The following ACTA2 variants were observed in gnomAD, a reference collection of about 807,000 sequenced individuals.
ACTA2 encodes the protein actin alpha 2, smooth muscle, also known as actin, aortic smooth muscle.
In ACTA2, 12 loss-of-function variants were observed where a neutral mutation model predicts 39.5. That is an observed-to-expected ratio of 0.30 (90% CI 0.19 to 0.49). ACTA2 has a LOEUF of 0.49. Among genes scored for constraint, ACTA2 ranks in the 20% least tolerant of loss-of-function variants. The pLI, the probability that ACTA2 is intolerant of heterozygous loss-of-function variation, is 0.99. For synonymous variants in ACTA2, 158 were observed against 180.6 expected, an observed-to-expected ratio of 0.88 and a Z score of 1.00; for missense variants, 236 against 498.8, an observed-to-expected ratio of 0.47 and a Z score of 5.02.
chr10:88,972,515 CTCTT>C (rs963441385), intron 1 of ACTA2, among the ~76,000 whole-genome samples: 4 of 151,796 alleles, frequency 2.6e-5, no homozygotes, highest in South Asian at 2.1e-4. Context: ...TTTTGTTGTT[CTCTT>C]TCTTCTCTCC....
At chr10:88,974,189 A>T (rs534633971) in intron 1 of ACTA2, 3 of 152,202 alleles carry the variant, frequency 2.0e-5, no homozygotes, top group African/African-American at 7.2e-5. Flanking sequence ...AGACATTGAG[A>T]GGACCCAGAA....
intron 1 of ACTA2, among the ~76,000 whole-genome samples, chr10:88,969,099 T>C (rs953864929): frequency 2.0e-5 from 3 of 152,026 alleles, no homozygotes; most frequent in African/African-American, 7.3e-5. Flanking sequence ...TTTTTCTCTC[T>C]TATTAAATAA....
chr10:88,984,945 G>A (rs1017089763), intron 1 of ACTA2, among the ~76,000 whole-genome samples: 1 of 152,186 alleles, frequency 6.6e-6, no homozygotes, highest in African/African-American at 2.4e-5. Flanking sequence ...CAGTGCTTAT[G>A]CTCTCTAGCC....
At chr10:88,939,435 G>T in intron 7 of ACTA2, 72 bp downstream of exon 7, 1 of 1,590,700 alleles carries the variant, frequency 6.3e-7, no homozygotes, top group Non-Finnish European at 8.6e-7. Flanking sequence ...TTGTCTCCAT[G>T]TTCTGGAGGC....
chr10:88,956,472 C>T (rs376122091), upstream of ACTA2, among the ~76,000 whole-genome samples: 569 of 152,220 alleles, frequency 3.7e-3, 5 homozygotes, highest in African/African-American at 0.013. Context: ...AATGGATAAT[C>T]GAGGATAGTT....
At chr10:88,937,941 C>T in intron 8 of ACTA2, 120 bp downstream of exon 8, 1 of 1,139,898 alleles carries the variant, frequency 8.8e-7, no homozygotes, top group Non-Finnish European at 1.3e-6. Flanking sequence ...GTGTCCATTA[C>T]CTACCCCTAA....
chr10:88,960,445 CAT>C (rs1846207631), intron 1 of ACTA2, among the ~76,000 whole-genome samples: 2 of 152,152 alleles, frequency 1.3e-5, no homozygotes, highest in South Asian at 2.1e-4. Context: ...AGTGAATAAA[CAT>C]AGAATTGTTG....
At chr10:88,970,333 G>A (rs542296472) in intron 1 of ACTA2, among the ~76,000 whole-genome samples, 4 of 152,162 alleles carry the variant, frequency 2.6e-5, no homozygotes, top group Non-Finnish European at 5.9e-5. Flanking sequence ...TTATTGACCT[G>A]ATTGTCTGTC....
intron 4 of ACTA2, among the ~76,000 whole-genome samples, chr10:88,942,650 C>T (rs569361760): frequency 1.4e-3 from 218 of 152,284 alleles, no homozygotes; most frequent in Non-Finnish European, 2.1e-3. Context: ...CAGGAGATGT[C>T]CGTGGGTCTT....
In ACTA2 at chr10:88,939,571, T is replaced by C. The variant is rs1845810510; in HGVS notation, c.744A>G (p.Gln248=). The C allele has an allele frequency of 1.9e-6, 3 of 1,613,960 alleles. No homozygotes were observed. The Admixed American group carries it at 5.0e-5, about 27-fold the overall frequency. Residue 248 remains glutamine (Q), a synonymous_variant, in exon 7 of 9, where the codon CAA becomes CAG. Transcript: ENST00000224784. The part of the protein sequence containing the change: ...LEKSYELPDG[Q]VITIGNERFR... ...AACGTTCATTTCCGATGGTGATCAC[T>C]TGCCCATCAGGCAACTCGTAACTCT...
Position 88,988,537 on chromosome 10 carries a change from T to C in ACTA2, c.-24+2402A>G, listed in dbSNP as rs192211441. Among the ~76,000 whole-genome samples, 284 of 151,978 alleles carry C rather than the reference T, an allele frequency of 1.9e-3. 1 individual carries two copies. The highest frequency in any genetic ancestry group is 3.8e-3 in the Admixed American group (58 of 15,270). On this transcript the variant is annotated intron_variant, in intron 1 of 4. Coordinates refer to the ACTA2 transcript ENST00000415557. ...ACCAGGATATCTTTTGAGTAGAAGC[T>C]TTAACTTATATGGTATGGTTTGAAT...
chr10:88,965,906 C>G (rs567933036), intron 1 of ACTA2, among the ~76,000 whole-genome samples: 3 of 152,262 alleles, frequency 2.0e-5, no homozygotes, highest in Non-Finnish European at 2.9e-5. Flanking sequence ...ATGAGGTACA[C>G]CAATGTTTTT....
In ACTA2 at chr10:88,941,789, T is replaced by C; in HGVS notation, c.450A>G (p.Thr150=). The change falls in exon 5 of 9, where the codon ACA becomes ACG. Residue 150 remains threonine, a synonymous_variant. Coordinates refer to ENST00000224784, the MANE Select transcript of ACTA2 (RefSeq NM_001613.4). ...CTGTCCCGCCCAGCCACCTACCAGT[T>C]GTGCGTCCAGAGGCATAGAGAGACA... is the stretch of plus-strand genomic sequence containing the variant. ...AVLSLYASGR[T]TGIVLDSGDG... is the part of the protein sequence containing the mutation. The C allele has an allele frequency of 6.2e-7, 1 of 1,611,748 alleles. No homozygotes were observed. The highest frequency in any genetic ancestry group is 8.5e-7 in the Non-Finnish European group (1 of 1,178,972).
chr10:88,964,199 T>G (rs1846283047), intron 1 of ACTA2, among the ~76,000 whole-genome samples: 1 of 152,166 alleles, frequency 6.6e-6, no homozygotes, highest in Non-Finnish European at 1.5e-5. Flanking sequence ...CTCTCTATTC[T>G]TCCGAATTCT....
intron 1 of ACTA2, among the ~76,000 whole-genome samples, chr10:88,977,517 T>C (rs2133338365): frequency 6.6e-6 from 1 of 152,112 alleles, no homozygotes; most frequent in South Asian, 2.1e-4. Context: ...AGGGCTAATA[T>C]CCAGAATCTA....
chr10:88,953,467 T>C (rs1455881674), upstream of ACTA2, among the ~76,000 whole-genome samples: 1 of 152,166 alleles, frequency 6.6e-6, no homozygotes, highest in African/African-American at 2.4e-5. Context: ...CCGAGCAATT[T>C]AGCAGCATAA....
intron 1 of ACTA2, among the ~76,000 whole-genome samples, chr10:88,988,067 G>A (rs900688355): frequency 8.6e-5 from 13 of 152,026 alleles, no homozygotes; most frequent in African/African-American, 2.9e-4. Context: ...CTAAAGTTTT[G>A]GACTTGCCAG....
upstream of ACTA2, among the ~76,000 whole-genome samples, chr10:88,955,016 CAAAAAAA>C (rs768193000): frequency 1.4e-5 from 1 of 73,222 alleles, no homozygotes; most frequent in African/African-American, 5.1e-5. Flanking sequence ...TAGTGTCACA[CAAAAAAA>C]AAAAAAAAAA....
intron 2 of ACTA2, 25 bp from the exon 3 acceptor site, chr10:88,947,411 G>T (rs1289976590): frequency 6.2e-7 from 1 of 1,613,318 alleles, no homozygotes; most frequent in Non-Finnish European, 8.5e-7. Context: ...CACATTATGA[G>T]TCAGCATCTC....
Sources: gnomAD v4.1 joint callset for allele counts (sites outside exome capture counted in the v4.1 genomes callset) on GRCh38, gnomAD v4.1.1 for gene constraint, MANE v1.5 for transcripts, NCBI Gene and HGNC (gene_info 2026-07-23, HGNC 2026-07-21) for gene names.